Variants in LRP1B observed in about 807,000 individuals in gnomAD.
LRP1B encodes the protein low-density lipoprotein receptor-related protein 1B.
In LRP1B, 217 loss-of-function variants were observed where a neutral mutation model predicts 556.6. That is an observed-to-expected ratio of 0.39 (90% CI 0.35 to 0.44). The LOEUF (loss-of-function observed/expected upper bound fraction) is 0.44. LRP1B is among the 20% of genes least tolerant of loss of function. LRP1B has a pLI of 1.00. For missense variants in LRP1B, 5,053 were observed against 5,620.8 expected, an observed-to-expected ratio of 0.90 and a Z score of 3.23; for synonymous variants, 2,047 against 1,865.8, an observed-to-expected ratio of 1.10 and a Z score of -2.50.
At chr2:141,263,487 T>A (rs1684776235) in intron 3 of LRP1B, among the ~76,000 whole-genome samples, 1 of 152,072 alleles carries the variant, frequency 6.6e-6, no homozygotes, top group South Asian at 2.1e-4. Flanking sequence ...AATATCCCTA[T>A]ATATATAGAA....
At chr2:141,985,814 T>C (rs2105104419) in intron 1 of LRP1B, among the ~76,000 whole-genome samples, 1 of 152,070 alleles carries the variant, frequency 6.6e-6, no homozygotes, top group South Asian at 2.1e-4. Flanking sequence ...AACATATTAT[T>C]CTGTATAGCA....
At chr2:140,465,497 T>C (rs939471182) in intron 60 of LRP1B, among the ~76,000 whole-genome samples, 5 of 152,192 alleles carry the variant, frequency 3.3e-5, no homozygotes, top group Non-Finnish European at 5.9e-5. Flanking sequence ...CCCTATTCTA[T>C]GAATAAGAAC....
chr2:140,810,276 C>T (rs537282352), intron 32 of LRP1B, among the ~76,000 whole-genome samples: 76 of 152,264 alleles, frequency 5.0e-4, no homozygotes, highest in Non-Finnish European at 9.6e-4. Context: ...AGTTACTTAT[C>T]ATTCAGCACC....
chr2:140,871,557 G>A (rs1373742331), intron 25 of LRP1B, among the ~76,000 whole-genome samples: 2 of 152,140 alleles, frequency 1.3e-5, no homozygotes, highest in African/African-American at 2.4e-5. Context: ...GATCATAGGA[G>A]TAGATTCATC....
intron 5 of LRP1B, 105 bp downstream of exon 5, chr2:141,247,121 T>C (rs2105326464): frequency 7.8e-7 from 1 of 1,284,376 alleles, no homozygotes; most frequent in Non-Finnish European, 1.1e-6. Context: ...CAAATCTCTC[T>C]CTTCAAAGTC....
intron 66 of LRP1B, among the ~76,000 whole-genome samples, chr2:140,441,330 A>G (rs1459396382): frequency 6.6e-6 from 1 of 152,196 alleles, no homozygotes; most frequent in Admixed American, 6.5e-5. Flanking sequence ...CCAGTAATAT[A>G]AACTAGCCCA....
At chr2:141,299,470 A>G (rs1686306458) in intron 3 of LRP1B, among the ~76,000 whole-genome samples, 2 of 152,218 alleles carry the variant, frequency 1.3e-5, no homozygotes, top group African/African-American at 4.8e-5. Context: ...TTGATATTAA[A>G]TGATTTTATT....
intron 2 of LRP1B, among the ~76,000 whole-genome samples, chr2:141,743,501 C>CTTTTTTTTTTTT (rs796287062): frequency 1.1e-4 from 13 of 119,032 alleles, no homozygotes; most frequent in Non-Finnish European, 2.0e-4. Context: ...TTTTTTTTTT[C>CTTTTTTTTTTTT]TTTTTTTTTT....
intron 2 of LRP1B, among the ~76,000 whole-genome samples, chr2:141,578,078 T>C (rs1320508306): frequency 1.3e-5 from 2 of 152,100 alleles, no homozygotes; most frequent in Non-Finnish European, 2.9e-5. Flanking sequence ...AAATAGATCA[T>C]CTACTTAAAA....
Position 141,076,761 on chromosome 2 carries a change from G to A in LRP1B, c.1014-14488C>T, listed in dbSNP as rs142857125. The stretch of plus-strand genomic sequence containing the variant: ...ACCCTAGGTTCTGAGACTACAACAG[G>A]GAATTCTAAAGCACCTGGCCTCCAC... On this transcript the variant is annotated intron_variant, in intron 7 of 90. Transcript: ENST00000389484. Among the ~76,000 whole-genome samples, 486 of 152,114 alleles carry A rather than the reference G, an allele frequency of 3.2e-3. 3 individuals are homozygous for A. The highest frequency in any genetic ancestry group is 0.011 in the African/African-American group (470 of 41,498).
intron 2 of LRP1B, among the ~76,000 whole-genome samples, chr2:141,772,551 G>T (rs10928122): frequency 0.3 from 45,951 of 152,054 alleles, 7,280 homozygotes; most frequent in African/African-American, 0.41. Flanking sequence ...AGGGTCCGGC[G>T]CTGGTGGATT....
At chr2:140,955,210 C>T (rs931850062) in intron 18 of LRP1B, among the ~76,000 whole-genome samples, 2 of 151,796 alleles carry the variant, frequency 1.3e-5, no homozygotes, top group African/African-American at 4.8e-5. Flanking sequence ...AATAAATTAC[C>T]ATAATTGATT....
intron 2 of LRP1B, among the ~76,000 whole-genome samples, chr2:141,680,123 A>G (rs1463126082): frequency 6.6e-6 from 1 of 151,994 alleles, no homozygotes; most frequent in African/African-American, 2.4e-5. Flanking sequence ...GTGTTATATT[A>G]TTCTCTTTGC....
At chr2:141,018,959 G>C (rs2105394964) in intron 12 of LRP1B, among the ~76,000 whole-genome samples, 1 of 151,956 alleles carries the variant, frequency 6.6e-6, no homozygotes, top group East Asian at 1.9e-4. Context: ...TATACAATAT[G>C]TATTTTTTGT....
rs1356893146 is a variant in LRP1B, at chr2:140,720,091, T to C, written c.5759-3275A>G. ...TAGTTGCAAAGATAGAAAGAGAAGA[T>C]TTTCAGAACCATGTCCTGATACTTA... On this transcript the variant is annotated intron_variant, in intron 35 of 90. Transcript: ENST00000389484. Among the ~76,000 whole-genome samples, 6 of 152,078 alleles carry C rather than the reference T, an allele frequency of 3.9e-5. No individual in the cohort carries two copies. The East Asian group carries it at 1.2e-3, about 29-fold the overall frequency.
At chr2:141,203,733 T>C (rs574508115) in intron 6 of LRP1B, among the ~76,000 whole-genome samples, 1 of 152,304 alleles carries the variant, frequency 6.6e-6, no homozygotes, top group South Asian at 2.1e-4. Flanking sequence ...TATACATTCT[T>C]CTCAGCACCT....
At chr2:140,255,703 T>C (rs1681643131) in intron 86 of LRP1B, among the ~76,000 whole-genome samples, 1 of 152,160 alleles carries the variant, frequency 6.6e-6, no homozygotes, top group African/African-American at 2.4e-5. Flanking sequence ...GTTGAATACA[T>C]AGGAATGCAC....
rs1209896990 is a variant in LRP1B, at chr2:140,510,236, T to A, written c.8270-180A>T. Among the ~76,000 whole-genome samples the A allele has an allele frequency of 2.6e-5, 4 of 152,200 alleles. No homozygotes were observed. In the East Asian group the frequency reaches 7.7e-4, roughly 29 times the overall value. On this transcript the variant is annotated intron_variant, in intron 51 of 90. Coordinates refer to ENST00000389484, the MANE Select transcript of LRP1B (RefSeq NM_018557.3). ...CTGTAGTTGTCCACACATTTTTATC[T>A]AAGAAGGCATTCTTTCCTAGCTATA...
chr2:140,540,342 A>G (rs1394981874), intron 45 of LRP1B, among the ~76,000 whole-genome samples: 4 of 152,096 alleles, frequency 2.6e-5, no homozygotes, highest in African/African-American at 4.8e-5. Context: ...TTTGCTTGCA[A>G]ATTTTTCATG....
Sources: allele counts gnomAD v4.1 joint callset (sites outside exome capture counted in the v4.1 genomes callset), GRCh38; gene constraint gnomAD v4.1.1; transcripts MANE v1.5; gene names NCBI Gene and HGNC (gene_info 2026-07-23, HGNC 2026-07-21).